INTS7: variants seen among roughly 807,000 people sequenced by gnomAD.
INTS7 encodes chromosome 1 open reading frame 73.
Under a neutral mutation model 109.2 loss-of-function variants are expected in INTS7, and 46 were observed. That is an observed-to-expected ratio of 0.42 (90% CI 0.33 to 0.54). INTS7 has a LOEUF of 0.54. Ranked by LOEUF, INTS7 falls within the 20% of genes least tolerant of loss-of-function variation. The pLI is 0.07. For missense variants in INTS7, 929 were observed against 1,132.4 expected, an observed-to-expected ratio of 0.82 and a Z score of 2.58; for synonymous variants, 412 against 402.9, an observed-to-expected ratio of 1.02 and a Z score of -0.27.
Position 211,941,937 on chromosome 1 carries a change from T to G in INTS7, c.2776A>C (p.Ile926Leu). ...GGGTCTTCCAGGGATTTTACAAATA[T>G]GGTAGTTCTGGGACCAGTCTTCCAT... is the stretch of plus-strand genomic sequence containing the variant. ...IVWKTGPRTT[I>L]FVKSLEDPYS... Residue 926 changes from isoleucine to leucine, a missense_variant, in exon 20 of 20, where the codon ATA (isoleucine) becomes CTA (leucine). By Grantham distance (5) the Ile-to-Leu change is conservative (BLOSUM62 2). Transcript: ENST00000366994. 6.2e-7 allele frequency: 1 copy of G among 1,614,226 alleles called. No individual in the cohort carries two copies. The highest frequency in any genetic ancestry group is 8.5e-7 in the Non-Finnish European group (1 of 1,180,044).
chr1:212,010,037 A>G (rs781390224), intron 5 of INTS7, among the ~76,000 whole-genome samples: 6 of 152,262 alleles, frequency 3.9e-5, no homozygotes, highest in African/African-American at 7.2e-5. Flanking sequence ...GCACAGTAGC[A>G]TAAGTGGTTA....
rs374515643 is a variant in INTS7 at position 211,966,460 on chromosome 1, T to G, written c.2153A>C (p.Glu718Ala). 3 of 1,608,474 alleles carry G rather than the reference T, an allele frequency of 1.9e-6. No individual in the cohort carries two copies. In the South Asian group the frequency reaches 3.3e-5, roughly 18 times the overall value. Residue 718 changes from glutamate to alanine, a missense_variant, in exon 16 of 20, where the codon GAA becomes GCA. Transcript: ENST00000366994. ...QSCLLISHAI[E>A]ALILDPESAS... ...TGATTCTGGATCCAAAATCAGGGCT[T>G]CTATTGCATGAGATATCAGTAAACA...
chr1:211,982,793 G>T lies in INTS7; in HGVS notation c.1015C>A (p.Pro339Thr). 6.2e-7 allele frequency: 1 copy of T among 1,607,148 alleles called. No homozygotes were observed. Among genetic ancestry groups the T allele is most frequent in the Non-Finnish European group, 8.5e-7 (1 of 1,176,732 alleles). Residue 339 changes from proline (P) to threonine (T), a missense_variant, in exon 9 of 20, where the codon CCC becomes ACC. Pro to Thr is a conservative substitution (Grantham distance 38). Transcript: ENST00000366994. ...SIVPGNVSSSPRSSDLVKLAQ... is the reference protein window; with the variant it reads ...SIVPGNVSSSTRSSDLVKLAQ... ...AATTTGACTAAATCAGAAGATCTGG[G>T]AGAAGAACTCACATTTCCTAAAAAA...
At chr1:211,985,966 T>C (rs1479610842) in intron 8 of INTS7, among the ~76,000 whole-genome samples, 1 of 152,366 alleles carries the variant, frequency 6.6e-6, no homozygotes, top group East Asian at 1.9e-4. Context: ...ACGTTGTTTA[T>C]AAAGAAGGCT....
rs1664512923 is a variant in INTS7 at position 211,978,431 on chromosome 1, T to C, written c.1311A>G (p.Gln437=). 11 of 1,614,082 alleles carry C rather than the reference T, an allele frequency of 6.8e-6. No individual in the cohort carries two copies. The highest frequency in any genetic ancestry group is 3.3e-5 in the Admixed American group (2 of 59,986). ...GGGCAGCGTCTTGAGCACTGTGCAA[T>C]TGAGTCAACAAGGTCTCAACTACTG... ...SQSVVETLLT[Q]LHSAQDAARI... Residue 437 remains glutamine, a synonymous_variant, in exon 11 of 20, where the codon CAA becomes CAG. Transcript: ENST00000366994.
At chr1:211,961,479 G>C (rs1260849835) in intron 16 of INTS7, among the ~76,000 whole-genome samples, 2 of 151,598 alleles carry the variant, frequency 1.3e-5, no homozygotes, top group Non-Finnish European at 2.9e-5. Context: ...GCCCAGGCTG[G>C]AGTGCAGTGG....
At position 211,959,164 on chromosome 1, in the gene INTS7, G is replaced by A. The variant is rs964776086; in HGVS notation, c.2184-6463C>T. ...GGGGCCGTATTCTAGCCAATGCAGA[G>A]CCCAAAGGGTTTGGTGTGTGAGCAT... On this transcript the variant is annotated intron_variant, in intron 16 of 19. Coordinates refer to ENST00000366994, the MANE Select transcript of INTS7 (RefSeq NM_015434.4). This position sits in a 1 kb window ranked among gnomAD's most constrained non-coding sequence, Gnocchi z 4.2. 6.6e-6 allele frequency among the ~76,000 whole-genome samples: 1 copy of A among 152,234 alleles called. No individual in the cohort carries two copies. Among genetic ancestry groups the A allele is most frequent in the African/African-American group, 2.4e-5 (1 of 41,446 alleles).
At chr1:212,002,695 C>T (rs909313219) in intron 7 of INTS7, among the ~76,000 whole-genome samples, 1 of 152,224 alleles carries the variant, frequency 6.6e-6, no homozygotes, top group Non-Finnish European at 1.5e-5. Context: ...CCTAACCAGC[C>T]TACTTAAAAC....
At chr1:212,028,390 G>A (rs1040814086) in intron 1 of INTS7, among the ~76,000 whole-genome samples, 8 of 152,212 alleles carry the variant, frequency 5.3e-5, no homozygotes, top group Non-Finnish European at 1.2e-4. Flanking sequence ...TCTGACCAAA[G>A]AAACATAGTA....
At chr1:212,031,774 T>C (rs1667175634) in intron 1 of INTS7, among the ~76,000 whole-genome samples, 1 of 152,216 alleles carries the variant, frequency 6.6e-6, no homozygotes, top group Admixed American at 6.5e-5. Flanking sequence ...AGTAATGGAA[T>C]TGAGTCAGCT....
At chr1:212,015,331 G>A (rs1452643111) in intron 4 of INTS7, among the ~76,000 whole-genome samples, 1 of 152,178 alleles carries the variant, frequency 6.6e-6, no homozygotes, top group East Asian at 1.9e-4. Flanking sequence ...GAAAGAAGTA[G>A]ACATAGGAGA....
At chr1:211,971,041 A>G (rs1664143675) in intron 13 of INTS7, among the ~76,000 whole-genome samples, 1 of 152,140 alleles carries the variant, frequency 6.6e-6, no homozygotes, top group South Asian at 2.1e-4. Context: ...ATCCACACAC[A>G]CTTCCAAATT....
chr1:211,968,474 A>G lies in INTS7; in HGVS notation c.2010+39T>C, dbSNP rs757805793. On this transcript the variant is annotated intron_variant, in intron 14 of 19. Transcript: ENST00000366994. ...TCATCTTATAACTTCGAAAACCTCT[A>G]AAGTGTAAATAAAAAATGCACTGAA... 22 of 1,550,364 alleles carry G rather than the reference A, an allele frequency of 1.4e-5. No individual in the cohort carries two copies. The South Asian group carries it at 1.5e-4, about 11-fold the overall frequency.
chr1:211,983,169 T>G (rs543512494), intron 8 of INTS7, among the ~76,000 whole-genome samples: 1 of 152,288 alleles, frequency 6.6e-6, no homozygotes, highest in Non-Finnish European at 1.5e-5. Flanking sequence ...AAAACCATAC[T>G]TTCAAGATAG....
At chr1:212,006,439 C>CA (rs905126720) in intron 7 of INTS7, among the ~76,000 whole-genome samples, 200 bp downstream of exon 7, 3 of 152,154 alleles carry the variant, frequency 2.0e-5, no homozygotes, top group Non-Finnish European at 4.4e-5. Flanking sequence ...CTGACTAAAA[C>CA]AAACATTGAA....
At chr1:211,992,802 A>G (rs1665202345) in intron 7 of INTS7, among the ~76,000 whole-genome samples, 1 of 152,246 alleles carries the variant, frequency 6.6e-6, no homozygotes, top group Non-Finnish European at 1.5e-5. Flanking sequence ...ACATTTCCAT[A>G]TAAAATCTGG....
At chr1:211,961,738 T>G (rs910139168) in intron 16 of INTS7, among the ~76,000 whole-genome samples, 2 of 152,164 alleles carry the variant, frequency 1.3e-5, no homozygotes, top group African/African-American at 4.8e-5. Flanking sequence ...CTCAACATTC[T>G]TAAAGAAAAG....
Position 212,035,534 on chromosome 1 carries a change from C to A in INTS7, c.-97G>T. 1 of 1,002,470 alleles carries A rather than the reference C, an allele frequency of 1.0e-6. No individual in the cohort carries two copies. Among genetic ancestry groups the A allele is most frequent in the Non-Finnish European group, 1.6e-6 (1 of 639,124 alleles). The allele number at this position is 1,002,470 out of a possible 1,614,324, so 62.1% of individuals were successfully genotyped here. A position where few individuals can be genotyped will look rare whatever the true frequency, so the allele number is the denominator to read the frequency against. On this transcript the variant is annotated 5_prime_UTR_variant, in exon 1 of 20. Coordinates refer to ENST00000366994, the MANE Select transcript of INTS7 (RefSeq NM_015434.4). The stretch of plus-strand genomic sequence containing the variant: ...CGCCGCCTTCTTGCTGGTTTTTCTT[C>A]CGCGCGCTGTCAAGCCCTGTTACGC...
At chr1:211,943,056 G>A (rs1662703558) in intron 19 of INTS7, among the ~76,000 whole-genome samples, 2 of 152,104 alleles carry the variant, frequency 1.3e-5, no homozygotes, top group South Asian at 4.2e-4. Context: ...CCAATTCAAG[G>A]TCTTAGAATT....
Sources: allele counts gnomAD v4.1 joint callset (sites outside exome capture counted in the v4.1 genomes callset), GRCh38; gene constraint gnomAD v4.1.1; non-coding constraint Gnocchi (gnomAD v3.1); transcripts MANE v1.5; gene names NCBI Gene and HGNC (gene_info 2026-07-23, HGNC 2026-07-21).